The following DNER variants were observed in gnomAD, a reference collection of about 807,000 sequenced individuals.
The protein encoded by DNER is delta/notch like EGF repeat containing.
DNER carries 33 observed loss-of-function variants against 78.2 expected under a neutral mutation model. The ratio of observed to expected loss-of-function variants is 0.42; its 90% CI spans 0.32 to 0.56. DNER has a LOEUF of 0.56. Ranked by LOEUF, DNER falls within the 20% of genes least tolerant of loss-of-function variation. DNER has a pLI of 0.11. For synonymous variants in DNER, 417 were observed against 384.8 expected (o/e 1.08, Z -0.98); for missense variants, 918 against 975.3 (o/e 0.94, Z 0.78).
chr2:229,654,239 T>C (rs1698873699), intron 1 of DNER, among the ~76,000 whole-genome samples: 1 of 152,124 alleles, frequency 6.6e-6, no homozygotes, highest in African/African-American at 2.4e-5. Context: ...CTTGCGATAG[T>C]TTGCTCAGAA....
intron 11 of DNER, among the ~76,000 whole-genome samples, chr2:229,374,749 T>C (rs1399976284): frequency 3.9e-5 from 6 of 152,160 alleles, no homozygotes; most frequent in Non-Finnish European, 8.8e-5. Context: ...TTGCAAACTG[T>C]AGATTGTAGA....
chr2:229,370,027 A>G, intron 11 of DNER, among the ~76,000 whole-genome samples: 1 of 152,146 alleles, frequency 6.6e-6, no homozygotes, highest in South Asian at 2.1e-4. Context: ...TTTCCATGAA[A>G]TCCACAGGAC....
intron 1 of DNER, among the ~76,000 whole-genome samples, chr2:229,610,093 T>A (rs1041725536): frequency 7.9e-5 from 12 of 152,230 alleles, no homozygotes; most frequent in African/African-American, 2.7e-4. Flanking sequence ...ACGTAAAATA[T>A]TAACATTGTG....
intron 7 of DNER, among the ~76,000 whole-genome samples, chr2:229,474,163 C>T (rs1694984907): frequency 6.6e-6 from 1 of 152,204 alleles, no homozygotes; most frequent in African/African-American, 2.4e-5. Context: ...ACCTTGGCCT[C>T]CCAGAGTGCT....
At chr2:229,368,966 T>C (rs189467787) in intron 11 of DNER, among the ~76,000 whole-genome samples, 3 of 152,346 alleles carry the variant, frequency 2.0e-5, no homozygotes, top group African/African-American at 7.2e-5. Flanking sequence ...CAATACATTA[T>C]TTAAAGAAGA....
At chr2:229,530,957 A>C (rs968635763) in intron 5 of DNER, among the ~76,000 whole-genome samples, 1 of 152,202 alleles carries the variant, frequency 6.6e-6, no homozygotes, top group African/African-American at 2.4e-5. Flanking sequence ...AGCATTCATG[A>C]CAGCCTGACA....
rs141612425 is a variant in DNER, at chr2:229,672,125, T to A, written c.276+42023A>T. Among the ~76,000 whole-genome samples the A allele has an allele frequency of 1.6e-3, 248 of 152,278 alleles. 2 individuals are homozygous for A. The highest frequency in any genetic ancestry group is 3.1e-4 in the Non-Finnish European group (21 of 68,026). The stretch of plus-strand genomic sequence containing the variant: ...GACAACAATGATTTGCCCGTGAATC[T>A]GTAATCTGGGGTCAGGGGCTCGGCA... On this transcript the variant is annotated intron_variant, in intron 1 of 12. Coordinates refer to ENST00000341772, the MANE Select transcript of DNER (RefSeq NM_139072.4).
At chr2:229,482,613 G>C (rs1247520683) in intron 6 of DNER, among the ~76,000 whole-genome samples, 1 of 152,164 alleles carries the variant, frequency 6.6e-6, no homozygotes, top group Non-Finnish European at 1.5e-5. Context: ...CTCAGGACCA[G>C]AAAGAATCAT....
At chr2:229,642,415 G>T (rs1698641582) in intron 1 of DNER, among the ~76,000 whole-genome samples, 1 of 152,174 alleles carries the variant, frequency 6.6e-6, no homozygotes, top group Non-Finnish European at 1.5e-5. Context: ...ACAGACGCCC[G>T]CTGAAAATAC....
chr2:229,695,638 C>A lies in DNER; in HGVS notation c.276+18510G>T, dbSNP rs532693056. Among the ~76,000 whole-genome samples, 19 of 152,280 alleles carry A rather than the reference C, an allele frequency of 1.2e-4. 1 individual carries two copies. The South Asian group carries it at 3.9e-3, about 32-fold the overall frequency. ...TCCCACTCTAAACATCTATAAAATG[C>A]ATTGCTGTTGTAATCAGTACTCAGA... On this transcript the variant is annotated intron_variant, in intron 1 of 12. Coordinates refer to ENST00000341772, the MANE Select transcript of DNER (RefSeq NM_139072.4).
In DNER at chr2:229,398,535, T is replaced by C. The variant is rs766842844; in HGVS notation, c.1723+8697A>G. On this transcript the variant is annotated intron_variant, in intron 10 of 12. Coordinates refer to ENST00000341772, the MANE Select transcript of DNER (RefSeq NM_139072.4). ...TACTTCAATACCAAAACTAGACAAATACATAATAACTTTTTTAAAAAGAGA... is the reference window on the plus strand; with the variant it reads ...TACTTCAATACCAAAACTAGACAAACACATAATAACTTTTTTAAAAAGAGA... 5.3e-5 allele frequency among the ~76,000 whole-genome samples: 8 copies of C among 152,182 alleles called. No individual in the cohort carries two copies. In the East Asian group the frequency reaches 1.5e-3, roughly 29 times the overall value.
At chr2:229,398,631 C>T (rs898050332) in intron 10 of DNER, among the ~76,000 whole-genome samples, 4 of 151,914 alleles carry the variant, frequency 2.6e-5, no homozygotes, top group Non-Finnish European at 5.9e-5. Context: ...TGTTTTCTTT[C>T]TTTTTTAAAA....
At chr2:229,700,362 A>C (rs1327994818) in intron 1 of DNER, among the ~76,000 whole-genome samples, 1 of 140,418 alleles carries the variant, frequency 7.1e-6, no homozygotes, top group Non-Finnish European at 1.5e-5. Context: ...TTGAGACAGC[A>C]TCTCACTCTG....
At chr2:229,557,187 G>T (rs1696868958) in intron 4 of DNER, among the ~76,000 whole-genome samples, 3 of 152,188 alleles carry the variant, frequency 2.0e-5, no homozygotes, top group Admixed American at 1.3e-4. Flanking sequence ...ATAAAAGAGT[G>T]ATCATTTGAG....
At chr2:229,559,950 T>C (rs984390415) in intron 4 of DNER, among the ~76,000 whole-genome samples, 1 of 152,222 alleles carries the variant, frequency 6.6e-6, no homozygotes, top group Non-Finnish European at 1.5e-5. Context: ...TGAAATGTTC[T>C]GCCATCATTA....
In DNER at chr2:229,366,917, G is replaced by A. The variant is rs752912056; in HGVS notation, c.2058C>T (p.Ile686=). Residue 686 remains isoleucine (I), a synonymous_variant, in exon 12 of 13, where the codon ATC becomes ATT. Transcript: ENST00000341772. The part of the protein sequence containing the change: ...AYEEFYNCRS[I]DSEFSNAIAS... ...CAATGGCATTGCTGAACTCGCTGTC[G>A]ATGCTGCGGCAGTTGTAGAACTCCT... is the stretch of plus-strand genomic sequence containing the variant. 1.6e-5 allele frequency: 26 copies of A among 1,614,068 alleles called. No individual in the cohort carries two copies. In the East Asian group the frequency reaches 2.2e-4, roughly 14 times the overall value.
At chr2:229,643,810 A>G (rs1698668415) in intron 1 of DNER, among the ~76,000 whole-genome samples, 1 of 152,078 alleles carries the variant, frequency 6.6e-6, no homozygotes, top group Non-Finnish European at 1.5e-5. Context: ...TCTCTGTATC[A>G]TTTTCTTTCC....
At chr2:229,705,026 A>C (rs1343990328) in intron 1 of DNER, among the ~76,000 whole-genome samples, 3 of 152,082 alleles carry the variant, frequency 2.0e-5, no homozygotes, top group Non-Finnish European at 4.4e-5. Context: ...TCCAAATGAC[A>C]TAGTGCAGAA....
intron 1 of DNER, among the ~76,000 whole-genome samples, chr2:229,602,170 C>G (rs1375179559): frequency 1.3e-5 from 2 of 152,154 alleles, no homozygotes; most frequent in Non-Finnish European, 2.9e-5. Context: ...ATGTCGACTT[C>G]TGCCTCTTTC....
Sources: allele counts gnomAD v4.1 joint callset (sites outside exome capture counted in the v4.1 genomes callset), GRCh38; gene constraint gnomAD v4.1.1; transcripts MANE v1.5; gene names NCBI Gene and HGNC (gene_info 2026-07-23, HGNC 2026-07-21).